Variants in PAM observed in about 807,000 individuals in gnomAD.
The protein encoded by PAM is peptidyl-glycine alpha-amidating monooxygenase.
Under a neutral mutation model 122.1 loss-of-function variants are expected in PAM, and 72 were observed. That is an observed-to-expected ratio of 0.59 (90% CI 0.49 to 0.72). The LOEUF (loss-of-function observed/expected upper bound fraction) is 0.72. Ranked by LOEUF, PAM falls within the 30% of genes least tolerant of loss-of-function variation. The probability of loss-of-function intolerance (pLI) is 0.00; values close to 1 mark genes in which losing one functional copy is unlikely to be tolerated. For synonymous variants in PAM, 389 were observed against 404.4 expected (o/e 0.96, Z 0.46); for missense variants, 1,106 against 1,183.7 (o/e 0.93, Z 0.96).
intron 20 of PAM, 68 bp downstream of exon 20, chr5:103,007,725 T>C: frequency 1.0e-6 from 1 of 958,900 alleles, no homozygotes; most frequent in Non-Finnish European, 1.6e-6. Context: ...TTGTGTTATC[T>C]TAATGTGCTC....
chr5:102,768,716 A>C (rs1237389644), intron 1 of PAM, among the ~76,000 whole-genome samples: 1 of 152,180 alleles, frequency 6.6e-6, no homozygotes, highest in Non-Finnish European at 1.5e-5. Context: ...TATATGTAAC[A>C]CATTTTCTCT....
chr5:102,842,119 C>A (rs1013657832), intron 1 of PAM, among the ~76,000 whole-genome samples: 1 of 151,504 alleles, frequency 6.6e-6, no homozygotes. Flanking sequence ...TCCTAAACTC[C>A]AGATGAGAGA....
intron 1 of PAM, among the ~76,000 whole-genome samples, chr5:102,787,072 T>G (rs1443343961): frequency 1.3e-5 from 2 of 152,128 alleles, no homozygotes; most frequent in East Asian, 3.9e-4. Context: ...TGATCTGAAT[T>G]TCACTTAAAA....
chr5:102,822,082 A>G (rs1050854414), intron 1 of PAM, among the ~76,000 whole-genome samples: 3 of 152,182 alleles, frequency 2.0e-5, no homozygotes, highest in African/African-American at 7.2e-5. Context: ...CCAGAGATAA[A>G]GGTCTTCAAA....
rs745967580 is a variant in PAM, at chr5:102,924,945, T to C, written c.357-12T>C. 19 of 1,365,058 alleles carry C rather than the reference T, an allele frequency of 1.4e-5. No individual in the cohort carries two copies. In the Admixed American group the frequency reaches 3.2e-4, roughly 23 times the overall value. 84.6% of individuals were successfully genotyped at this position (1,365,058 alleles called of 1,614,324 possible). A position where few individuals can be genotyped will look rare whatever the true frequency, so the allele number is the denominator to read the frequency against. On this transcript the variant is annotated splice_polypyrimidine_tract_variant and intron_variant, in intron 5 of 25. Coordinates refer to ENST00000438793, the MANE Select transcript of PAM (RefSeq NM_001177306.2). Reference sequence around the variant, plus strand: ...TTAAATCTTCATTTATACTACTTTTTATTTTCTTCAGGTTTTGTGATGAAG... The same window carrying C: ...TTAAATCTTCATTTATACTACTTTTCATTTTCTTCAGGTTTTGTGATGAAG...
At chr5:102,879,669 T>C (rs1477009485) in intron 3 of PAM, among the ~76,000 whole-genome samples, 5 of 152,224 alleles carry the variant, frequency 3.3e-5, no homozygotes, top group Non-Finnish European at 5.9e-5. Flanking sequence ...CCATGCTTCC[T>C]GTGCAGCCTG....
intron 7 of PAM, among the ~76,000 whole-genome samples, chr5:102,941,013 T>C (rs1185968257): frequency 6.6e-6 from 1 of 152,200 alleles, no homozygotes; most frequent in Admixed American, 6.5e-5. Context: ...TAATTTTACT[T>C]TCTTAGAAGG....
intron 3 of PAM, among the ~76,000 whole-genome samples, chr5:102,880,496 A>T (rs1246165974): frequency 2.0e-5 from 3 of 152,170 alleles, no homozygotes; most frequent in Non-Finnish European, 4.4e-5. Context: ...ATAATTCAAT[A>T]AAACTAGAAA....
In PAM at chr5:103,017,303, C is replaced by T. The variant is rs183679894; in HGVS notation, c.2332-31C>T. 7.6e-5 allele frequency: 99 copies of T among 1,309,482 alleles called. No individual in the cohort carries two copies. In the African/African-American group the frequency reaches 1.1e-3, roughly 14 times the overall value. 81.1% of individuals were successfully genotyped at this position (1,309,482 alleles called of 1,614,324 possible). A position where few individuals can be genotyped will look rare whatever the true frequency, so the allele number is the denominator to read the frequency against. ...ATGAAGGATTCAAGTAAAGGCTCACCACTCTAATGTGTAGCTTCTTATTTT... is the reference window on the plus strand; with the variant it reads ...ATGAAGGATTCAAGTAAAGGCTCACTACTCTAATGTGTAGCTTCTTATTTT... On this transcript the variant is annotated intron_variant, in intron 21 of 25. Coordinates refer to ENST00000438793, the MANE Select transcript of PAM (RefSeq NM_001177306.2).
chr5:102,811,005 G>A (rs1767752451), intron 1 of PAM, among the ~76,000 whole-genome samples: 1 of 152,110 alleles, frequency 6.6e-6, no homozygotes, highest in African/African-American at 2.4e-5. Context: ...GCAGAGCGAG[G>A]GCTGATTGGA....
At chr5:102,878,614 CA>C (rs1388391216) in intron 3 of PAM, among the ~76,000 whole-genome samples, 3 of 152,062 alleles carry the variant, frequency 2.0e-5, no homozygotes, top group Non-Finnish European at 4.4e-5. Flanking sequence ...TGCCCCTGAA[CA>C]CCTTCCAGGA....
At chr5:102,987,828 T>A (rs926944252) in intron 15 of PAM, among the ~76,000 whole-genome samples, 2 of 152,172 alleles carry the variant, frequency 1.3e-5, no homozygotes, top group Admixed American at 1.3e-4. Context: ...AATTCAGGCA[T>A]ACCAGCTGTC....
chr5:102,790,928 C>T (rs1761900100), intron 1 of PAM, among the ~76,000 whole-genome samples: 2 of 152,036 alleles, frequency 1.3e-5, no homozygotes, highest in African/African-American at 2.4e-5. Context: ...TGTGTGTCAG[C>T]CATTCTGCTG....
intron 23 of PAM, among the ~76,000 whole-genome samples, chr5:103,022,605 A>G (rs561123956): frequency 1.3e-5 from 2 of 152,282 alleles, no homozygotes; most frequent in East Asian, 3.9e-4. Flanking sequence ...TTGCACTCTT[A>G]TAAGATTTTA....
chr5:102,878,307 A>G (rs1789852753), intron 3 of PAM, among the ~76,000 whole-genome samples: 1 of 152,178 alleles, frequency 6.6e-6, no homozygotes, highest in Admixed American at 6.5e-5. Context: ...TAGCTTTCAT[A>G]ACTTCATCAG....
chr5:102,805,581 C>T (rs993937067), intron 1 of PAM, among the ~76,000 whole-genome samples: 1 of 152,180 alleles, frequency 6.6e-6, no homozygotes, highest in Admixed American at 6.5e-5. Context: ...CGTTTCTAAC[C>T]TCTGGACCTC....
At chr5:102,866,504 A>G (rs1561682013) in intron 2 of PAM, 1 of 554,906 alleles carries the variant, frequency 1.8e-6, no homozygotes, top group Non-Finnish European at 3.2e-6. Flanking sequence ...AGAAGTTGTG[A>G]TTTCCAAAAC....
At chr5:102,831,182 A>C (rs1775340685) in intron 1 of PAM, among the ~76,000 whole-genome samples, 1 of 152,140 alleles carries the variant, frequency 6.6e-6, no homozygotes, top group Non-Finnish European at 1.5e-5. Flanking sequence ...ATTTTTTCCT[A>C]GTCACTTTAT....
intron 1 of PAM, among the ~76,000 whole-genome samples, chr5:102,765,422 G>T (rs986319883): frequency 6.6e-6 from 1 of 152,154 alleles, no homozygotes; most frequent in Admixed American, 6.5e-5. Context: ...AATATTTTAG[G>T]TGGGTGTAGT....
Sources: gnomAD v4.1 joint callset for allele counts (sites outside exome capture counted in the v4.1 genomes callset) on GRCh38, gnomAD v4.1.1 for gene constraint, MANE v1.5 for transcripts, NCBI Gene and HGNC (gene_info 2026-07-23, HGNC 2026-07-21) for gene names.